Variants in MTMR9 observed in about 807,000 individuals in gnomAD.
The protein encoded by MTMR9 is myotubularin related protein 9.
Under a neutral mutation model 69.5 loss-of-function variants are expected in MTMR9, and 39 were observed. The ratio of observed to expected loss-of-function variants is 0.56; its 90% CI spans 0.43 to 0.73. The LOEUF (loss-of-function observed/expected upper bound fraction) is 0.73, where lower values mean the gene tolerates loss of function less well. MTMR9 is among the 30% of genes least tolerant of loss of function. The pLI is 0.00. For missense variants in MTMR9, 900 were observed against 671.2 expected, an observed-to-expected ratio of 1.34 and a Z score of -3.77; for synonymous variants, 354 against 240.8, an observed-to-expected ratio of 1.47 and a Z score of -4.35.
downstream of MTMR9, chr8:11,331,620 A>G (rs1429973102): frequency 1.2e-6 from 2 of 1,612,868 alleles, no homozygotes; most frequent in Non-Finnish European, 1.7e-6. Context: ...ACTAATCATC[A>G]TTCTGGGACC....
At chr8:11,313,460 A>C (rs919595727) in intron 6 of MTMR9, among the ~76,000 whole-genome samples, 10 of 152,190 alleles carry the variant, frequency 6.6e-5, no homozygotes, top group African/African-American at 2.4e-4. Context: ...AACTTGATTA[A>C]CTAGTGCAGG....
intron 1 of MTMR9, among the ~76,000 whole-genome samples, chr8:11,294,500 C>CTTTTTTTTTTTTT (rs61227530): frequency 0.01 from 1,093 of 105,666 alleles, 83 homozygotes; most frequent in African/African-American, 0.021. Context: ...AATACTTTCA[C>CTTTTTTTTTTTTT]TTTTTTTTTT....
At chr8:11,313,677 G>A (rs1800295012) in intron 6 of MTMR9, among the ~76,000 whole-genome samples, 4 of 152,142 alleles carry the variant, frequency 2.6e-5, no homozygotes, top group African/African-American at 7.2e-5. Flanking sequence ...AGAGTCAAAG[G>A]AACAGCTGGT....
In MTMR9 at chr8:11,322,741, C is replaced by T. The variant is rs144691111; in HGVS notation, c.1603C>T (p.Gln535Ter). 7 of 1,613,890 alleles carry T rather than the reference C, an allele frequency of 4.3e-6. No homozygotes were observed. Among genetic ancestry groups the T allele is most frequent in the Non-Finnish European group, 5.9e-6 (7 of 1,179,958 alleles). ...AGCAAAAGTCAATATCCTTCGAAGG[C>T]AGTTGGCAGAACTGGAAACAGAGGA... Reference protein sequence around the residue: ...LQAKVNILRRQLAELETEDGM... With the variant: ...LQAKVNILRR The change falls in exon 10 of 10, where the codon CAG becomes TAG. Residue 535 changes from glutamine (Q) to a stop codon, truncating the protein, a stop_gained. Transcript: ENST00000221086. LOFTEE classifies it high-confidence loss of function.
intron 3 of MTMR9, among the ~76,000 whole-genome samples, chr8:11,302,373 C>A (rs998733301): frequency 1.0e-4 from 15 of 148,690 alleles, no homozygotes; most frequent in Non-Finnish European, 1.2e-4. Context: ...AGTTATTGAA[C>A]CCTTAAGCTG....
At chr8:11,335,190 TCTC>T in the MTMR9 span, among the ~76,000 whole-genome samples, 3 of 152,148 alleles carry the variant, frequency 2.0e-5, no homozygotes, top group East Asian at 1.9e-4. Flanking sequence ...GCAACCATAA[TCTC>T]CTAGAACTAA....
chr8:11,287,874 T>C (rs1799230621), intron 1 of MTMR9, among the ~76,000 whole-genome samples: 1 of 126,770 alleles, frequency 7.9e-6, no homozygotes, highest in Non-Finnish European at 1.6e-5. Context: ...TATATTATAA[T>C]ATATAACATA....
At chr8:11,337,033 G>T in the MTMR9 span, among the ~76,000 whole-genome samples, 15 of 152,128 alleles carry the variant, frequency 9.9e-5, no homozygotes, top group Non-Finnish European at 1.5e-5. Flanking sequence ...GCAGAAGGGG[G>T]CGTTGTTTTG....
chr8:11,331,121 C>T (rs758288237), downstream of MTMR9: 11 of 1,601,168 alleles, frequency 6.9e-6, no homozygotes, highest in Non-Finnish European at 8.5e-6. Flanking sequence ...CTGGCAGTCA[C>T]CCCTACTTCA....
chr8:11,305,072 G>A (rs1282288654), intron 4 of MTMR9, 58 bp downstream of exon 4: 21 of 1,516,926 alleles, frequency 1.4e-5, no homozygotes, highest in Middle Eastern at 1.8e-4. Context: ...GGATCTTTTC[G>A]TAGAAATGTT....
At chr8:11,286,704 C>T (rs542123841) in intron 1 of MTMR9, among the ~76,000 whole-genome samples, 51 of 145,774 alleles carry the variant, frequency 3.5e-4, no homozygotes, top group Non-Finnish European at 6.2e-4. Context: ...CTTCAGTGGT[C>T]TCTCATTGAA....
At chr8:11,292,096 T>G (rs190792194) in intron 1 of MTMR9, among the ~76,000 whole-genome samples, 1 of 152,264 alleles carries the variant, frequency 6.6e-6, no homozygotes, top group Admixed American at 6.5e-5. Context: ...TATCTAGAAA[T>G]TTATGTCAGT....
rs2117409787 is a variant in MTMR9, at chr8:11,306,416, T to C, written c.809+9T>C. On this transcript the variant is annotated intron_variant, in intron 5 of 9. Transcript: ENST00000221086. Reference sequence around the variant, plus strand: ...CATAAGTCCATTGAGAGGTAAAAGATTCCAAAGATAGTACAGACTCTTATT... The same window carrying C: ...CATAAGTCCATTGAGAGGTAAAAGACTCCAAAGATAGTACAGACTCTTATT... The C allele has an allele frequency of 1.2e-6, 2 of 1,612,670 alleles. No individual in the cohort carries two copies. Among genetic ancestry groups the C allele is most frequent in the East Asian group, 2.2e-5 (1 of 44,870 alleles).
At position 11,323,908 on chromosome 8, in the gene MTMR9, A is replaced by G. The variant is rs987772112; in HGVS notation, c.*1120A>G. On this transcript the variant is annotated 3_prime_UTR_variant, in exon 10 of 10. Transcript: ENST00000221086. ...AATATAGCTCTGTGTTTTAAACCTC[A>G]GAAACAGATTTGAGTGTTTCAGTAT... 1 of 152,200 alleles carries G rather than the reference A, an allele frequency of 6.6e-6. No individual in the cohort carries two copies. Among genetic ancestry groups the G allele is most frequent in the African/African-American group, 2.4e-5 (1 of 41,448 alleles). 9.4% of individuals were successfully genotyped at this position (152,200 alleles called of 1,614,324 possible).
At chr8:11,307,763 C>G (rs150765536) in intron 5 of MTMR9, among the ~76,000 whole-genome samples, 439 of 152,204 alleles carry the variant, frequency 2.9e-3, no homozygotes, top group African/African-American at 0.01. Context: ...GGTGATATCT[C>G]ATTGTGGTTT....
chr8:11,290,577 T>A (rs1422747583), intron 1 of MTMR9, among the ~76,000 whole-genome samples: 1 of 152,140 alleles, frequency 6.6e-6, no homozygotes, highest in Non-Finnish European at 1.5e-5. Context: ...GCTTCATAGT[T>A]TTACTGTTCA....
rs148715826 is a variant in MTMR9 at position 11,286,621 on chromosome 8, G to C, written c.182+1551G>C. The stretch of plus-strand genomic sequence containing the variant: ...GCAGAGGTTGCAGTGAGCCGAGATC[G>C]GGCCACTGCACTCCTTCCTTTGCAA... On this transcript the variant is annotated intron_variant, in intron 1 of 9. Transcript: ENST00000221086. 4.9e-3 allele frequency among the ~76,000 whole-genome samples: 710 copies of C among 146,236 alleles called. 8 individuals are homozygous for C. The highest frequency in any genetic ancestry group is 0.017 in the African/African-American group (678 of 39,256).
chr8:11,304,357 T>TGAACTCTGC, intron 3 of MTMR9, among the ~76,000 whole-genome samples: 1 of 152,206 alleles, frequency 6.6e-6, no homozygotes, highest in Non-Finnish European at 1.5e-5. Flanking sequence ...ACAGTCTTAC[T>TGAACTCTGC]TGTGCTTTAA....
At chr8:11,320,613 G>C (rs780209556) in intron 9 of MTMR9, 5 of 152,116 alleles carry the variant, frequency 3.3e-5, no homozygotes, top group Admixed American at 1.3e-4. Context: ...CGGGTCTGTA[G>C]CCCCAGCTAC....
Sources: gnomAD v4.1 joint callset for allele counts (sites outside exome capture counted in the v4.1 genomes callset) on GRCh38, gnomAD v4.1.1 for gene constraint, MANE v1.5 for transcripts, NCBI Gene and HGNC (gene_info 2026-07-23, HGNC 2026-07-21) for gene names.